Variants in AATF observed in about 807,000 individuals in gnomAD.
AATF encodes the protein protein AATF.
Under a neutral mutation model 63.7 loss-of-function variants are expected in AATF, and 48 were observed. The observed-to-expected ratio is 0.75, with a 90% CI of 0.60 to 0.96. The LOEUF (loss-of-function observed/expected upper bound fraction) is 0.96. Ranked by LOEUF, AATF falls within the 40% of genes least tolerant of loss-of-function variation. The pLI is 0.00. For synonymous variants in AATF, 258 were observed against 247.7 expected, an observed-to-expected ratio of 1.04 and a Z score of -0.39; for missense variants, 639 against 685.7, an observed-to-expected ratio of 0.93 and a Z score of 0.76.
chr17:36,973,695 C>A (rs1413870555), intron 4 of AATF, among the ~76,000 whole-genome samples: 1 of 152,082 alleles, frequency 6.6e-6, no homozygotes, highest in Non-Finnish European at 1.5e-5. Flanking sequence ...CAGGTAAGAC[C>A]ATTTTTTAGG....
At chr17:36,985,064 G>T (rs1171577337) in intron 4 of AATF, among the ~76,000 whole-genome samples, 1 of 152,016 alleles carries the variant, frequency 6.6e-6, no homozygotes, top group Non-Finnish European at 1.5e-5. Flanking sequence ...ACCGTGCGCG[G>T]CTAATTTTTA....
At chr17:37,006,479 G>T (rs1045679762) in intron 8 of AATF, among the ~76,000 whole-genome samples, 2 of 152,106 alleles carry the variant, frequency 1.3e-5, no homozygotes, top group African/African-American at 4.8e-5. Context: ...CAAAAAAAAA[G>T]AATTGCATAA....
chr17:37,029,169 C>A (rs1264382163), intron 10 of AATF, among the ~76,000 whole-genome samples: 1 of 149,484 alleles, frequency 6.7e-6, no homozygotes, highest in Non-Finnish European at 1.5e-5. Context: ...AGCAATCCTT[C>A]CACCTCAGCC....
chr17:36,991,941 T>G (rs2071218503), intron 8 of AATF, among the ~76,000 whole-genome samples: 1 of 152,174 alleles, frequency 6.6e-6, no homozygotes, highest in African/African-American at 2.4e-5. Flanking sequence ...TCTAGCTTAG[T>G]GGAGAATAGA....
At chr17:37,028,304 G>A (rs1472933394) in intron 10 of AATF, among the ~76,000 whole-genome samples, 3 of 151,994 alleles carry the variant, frequency 2.0e-5, no homozygotes, top group Admixed American at 2.0e-4. Flanking sequence ...TCTAGTCCCA[G>A]CTCCTTGGTG....
chr17:37,031,108 G>C (rs1287078682), intron 10 of AATF, among the ~76,000 whole-genome samples: 3 of 152,168 alleles, frequency 2.0e-5, no homozygotes, highest in African/African-American at 7.2e-5. Context: ...TGTACAGTCA[G>C]CCCTACATAT....
chr17:37,053,639 C>T (rs548789736), intron 11 of AATF, among the ~76,000 whole-genome samples: 5 of 152,286 alleles, frequency 3.3e-5, no homozygotes, highest in South Asian at 2.1e-4. Context: ...GAGGCCAAGA[C>T]GGGCAGATCA....
chr17:36,964,292 T>C (rs533361237), intron 4 of AATF, among the ~76,000 whole-genome samples: 1 of 150,738 alleles, frequency 6.6e-6, no homozygotes, highest in South Asian at 2.1e-4. Flanking sequence ...CACAGTGTCC[T>C]ATAGTGGGTG....
rs2071009164 is a variant in AATF, at chr17:36,968,266, C to CTTTTTTTTTTTTTTTTTTTTTTTTTT, written c.832+14362_832+14363insTTTTTTTTTTTTTTTTTTTTTTTTTT. 2.6e-5 allele frequency among the ~76,000 whole-genome samples: 2 copies of CTTTTTTTTTTTTTTTTTTTTTTTTTT among 75,572 alleles called. 1 individual carries two copies. The highest frequency in any genetic ancestry group is 1.1e-4 in the African/African-American group (2 of 18,466). The allele number at this position is 75,572 out of a possible 152,430, so 49.6% of individuals were successfully genotyped here. A position where few individuals can be genotyped will look rare whatever the true frequency, so the allele number is the denominator to read the frequency against. Reference sequence around the variant, plus strand: ...CTTTTTTCTTTTTCTTTCTTTCCTTCTTTCTTTTTTTTTTTTTTTTTTTTT... The same window carrying CTTTTTTTTTTTTTTTTTTTTTTTTTT: ...CTTTTTTCTTTTTCTTTCTTTCCTTCTTTTTTTTTTTTTTTTTTTTTTTTTTTTTCTTTTTTTTTTTTTTTTTTTTT... On this transcript the variant is annotated intron_variant, in intron 4 of 11. Transcript: ENST00000619387.
At chr17:37,001,802 A>G (rs990666245) in intron 8 of AATF, among the ~76,000 whole-genome samples, 1 of 152,238 alleles carries the variant, frequency 6.6e-6, no homozygotes, top group Non-Finnish European at 1.5e-5. Context: ...CTTATTCAGC[A>G]TCATACTATC....
At chr17:37,042,265 A>C (rs1234672663) in intron 11 of AATF, among the ~76,000 whole-genome samples, 1 of 152,036 alleles carries the variant, frequency 6.6e-6, no homozygotes, top group East Asian at 1.9e-4. Flanking sequence ...CCTGTATCCC[A>C]GAACAATTAT....
rs376936664 is a variant in AATF, at chr17:37,050,639, G to T, written c.1620-5962G>T. On this transcript the variant is annotated intron_variant, in intron 11 of 11. Transcript: ENST00000619387. Reference sequence around the variant, plus strand: ...GACTCTACTTGTAGGGTTTCAGATCGGATCCAGACCCTGCTAGCCGTGAGT... The same window carrying T: ...GACTCTACTTGTAGGGTTTCAGATCTGATCCAGACCCTGCTAGCCGTGAGT... Among the ~76,000 whole-genome samples the T allele has an allele frequency of 3.3e-5, 5 of 152,252 alleles. No individual in the cohort carries two copies. The East Asian group carries it at 9.7e-4, about 29-fold the overall frequency.
intron 8 of AATF, among the ~76,000 whole-genome samples, chr17:36,997,923 A>C (rs2071266586): frequency 6.6e-6 from 1 of 152,254 alleles, no homozygotes; most frequent in Non-Finnish European, 1.5e-5. Flanking sequence ...CAGCATTTGC[A>C]GTGACCTGGA....
intron 7 of AATF, among the ~76,000 whole-genome samples, chr17:36,989,913 A>G (rs2071200228): frequency 6.6e-6 from 1 of 151,918 alleles, no homozygotes; most frequent in African/African-American, 2.4e-5. Flanking sequence ...CTCTACTCTG[A>G]AAATTTCACT....
intron 4 of AATF, among the ~76,000 whole-genome samples, chr17:36,974,966 T>C (rs888736651): frequency 6.6e-6 from 1 of 152,178 alleles, no homozygotes; most frequent in African/African-American, 2.4e-5. Flanking sequence ...TTAATCTTAA[T>C]TGCCTTAAAA....
intron 6 of AATF, 74 bp from the exon 7 acceptor site, chr17:36,989,173 G>A: frequency 1.4e-6 from 2 of 1,475,664 alleles, no homozygotes; most frequent in Non-Finnish European, 1.8e-6. Context: ...GACACAGAAA[G>A]ATAGAGAAAC....
At chr17:36,994,126 A>T (rs1268714037) in intron 8 of AATF, among the ~76,000 whole-genome samples, 1 of 152,196 alleles carries the variant, frequency 6.6e-6, no homozygotes, top group Non-Finnish European at 1.5e-5. Context: ...GAAGAAACTG[A>T]CACCCTGAGA....
chr17:37,045,472 T>TC (rs2071681799), intron 11 of AATF: 2 of 152,260 alleles, frequency 1.3e-5, no homozygotes, highest in African/African-American at 4.8e-5. Context: ...CCTGTTCCGT[T>TC]CCCCTTTCTG....
rs1489809811 is a variant in AATF, at chr17:36,953,269, A to G, written c.667A>G (p.Lys223Glu). The change falls in exon 3 of 12, where the codon AAA becomes GAA. Residue 223 changes from lysine to glutamate, a missense_variant. Coordinates refer to ENST00000619387, the MANE Select transcript of AATF (RefSeq NM_012138.4). ...SSVKVSEEVE[K>E]GRAVKNQIAL... ...TGTCAAAGTTTCTGAGGAAGTGGAG[A>G]AAGGAAGAGCCGTGAAGAACCAGAT... 6.2e-7 allele frequency: 1 copy of G among 1,613,808 alleles called. No homozygotes were observed. The highest frequency in any genetic ancestry group is 8.5e-7 in the Non-Finnish European group (1 of 1,179,826).
Sources: gnomAD v4.1 joint callset for allele counts (sites outside exome capture counted in the v4.1 genomes callset) on GRCh38, gnomAD v4.1.1 for gene constraint, MANE v1.5 for transcripts, NCBI Gene and HGNC (gene_info 2026-07-23, HGNC 2026-07-21) for gene names.